The following GPCPD1 variants were observed in gnomAD, a reference collection of about 807,000 sequenced individuals.
GPCPD1 encodes the protein glycerophosphocholine phosphodiesterase GPCPD1.
GPCPD1 carries 29 observed loss-of-function variants against 89.2 expected under a neutral mutation model. The ratio of observed to expected loss-of-function variants is 0.33; its 90% CI spans 0.24 to 0.44. The LOEUF (loss-of-function observed/expected upper bound fraction) is 0.44. Ranked by LOEUF, GPCPD1 falls within the 20% of genes least tolerant of loss-of-function variation. The probability of loss-of-function intolerance (pLI) is 1.00; values close to 1 mark genes in which losing one functional copy is unlikely to be tolerated. For synonymous variants in GPCPD1, 258 were observed against 266.3 expected (o/e 0.97, Z 0.30); for missense variants, 594 against 808.9 (o/e 0.73, Z 3.22).
At chr20:5,602,813 T>C (rs906458940) in intron 2 of GPCPD1, among the ~76,000 whole-genome samples, 7 of 151,976 alleles carry the variant, frequency 4.6e-5, no homozygotes, top group African/African-American at 1.4e-4. Flanking sequence ...CAAAACCCCA[T>C]CTCTACAAAA....
At chr20:5,606,171 T>TA (rs1156762325) in intron 1 of GPCPD1, among the ~76,000 whole-genome samples, 2 of 152,200 alleles carry the variant, frequency 1.3e-5, no homozygotes, top group Non-Finnish European at 2.9e-5. Context: ...AAAAATAGCT[T>TA]AATACACACA....
At chr20:5,552,105 T>G (rs1985448279) in intron 19 of GPCPD1, among the ~76,000 whole-genome samples, 1 of 152,174 alleles carries the variant, frequency 6.6e-6, no homozygotes, top group Non-Finnish European at 1.5e-5. Context: ...TATTGGTATT[T>G]TATTATAAGA....
At chr20:5,569,945 C>T (rs548847717) in intron 12 of GPCPD1, among the ~76,000 whole-genome samples, 1 of 152,062 alleles carries the variant, frequency 6.6e-6, no homozygotes, top group African/African-American at 2.4e-5. Context: ...GCAATAGAGA[C>T]CCTACTCTAG....
intron 8 of GPCPD1, among the ~76,000 whole-genome samples, chr20:5,577,566 T>C (rs1264312850): frequency 6.6e-6 from 1 of 152,052 alleles, no homozygotes; most frequent in Admixed American, 6.6e-5. Flanking sequence ...ACTTTTATAA[T>C]AGAGTCCCAC....
chr20:5,560,011 T>A lies in GPCPD1; in HGVS notation c.1461A>T (p.Leu487Phe). The part of the protein sequence containing the change: ...FDMNLFLDII[L>F]KTVLENSGKR... ...TCCCAGAATTTTCTAAAACAGTTTT[T>A]AAAATTATATCCAAAAACAGATTCA... Residue 487 changes from leucine (L) to phenylalanine (F), a missense_variant, in exon 17 of 20, where the codon TTA becomes TTT. Leu to Phe is a conservative substitution (Grantham distance 22). Transcript: ENST00000379019. 1.3e-6 allele frequency: 2 copies of A among 1,575,826 alleles called. No homozygotes were observed. The highest frequency in any genetic ancestry group is 1.7e-6 in the Non-Finnish European group (2 of 1,152,648).
In GPCPD1 at chr20:5,586,262, C is replaced by T. The variant is rs754276290; in HGVS notation, c.239G>A (p.Gly80Asp). Residue 80 changes from glycine (G) to aspartate (D), a missense_variant, in exon 5 of 20, where the codon GGT (glycine) becomes GAT (aspartate). Coordinates refer to ENST00000379019, the MANE Select transcript of GPCPD1 (RefSeq NM_019593.5). ...GTGAACTATCACTTGACATGGACCA[C>T]CGATAGTCTGCAATTTAAAAGTTAA... ...KGYFLEPKTI[G>D]GPCQVIVHKW... The T allele has an allele frequency of 4.4e-6, 7 of 1,575,302 alleles. No individual in the cohort carries two copies. In the South Asian group the frequency reaches 7.8e-5, roughly 17 times the overall value.
In GPCPD1 at chr20:5,558,019, C is replaced by G; in HGVS notation, c.1755G>C (p.Trp585Cys). Residue 585 changes from tryptophan (W) to cysteine (C), a missense_variant, in exon 19 of 20, where the codon TGG becomes TGC. Coordinates refer to ENST00000379019, the MANE Select transcript of GPCPD1 (RefSeq NM_019593.5). ...TTTCAGGATCATTGGTATCATCACC[C>G]CAGCAGAATATGACTAGTCCCTTAG... Reference protein sequence around the residue: ...AKAKGLVIFCWGDDTNDPENR... With the variant: ...AKAKGLVIFCCGDDTNDPENR... The G allele has an allele frequency of 1.2e-6, 2 of 1,600,564 alleles. No homozygotes were observed. The highest frequency in any genetic ancestry group is 1.1e-5 in the South Asian group (1 of 90,720).
chr20:5,607,552 T>G (rs1980674805), intron 1 of GPCPD1, among the ~76,000 whole-genome samples: 1 of 151,646 alleles, frequency 6.6e-6, no homozygotes, highest in Non-Finnish European at 1.5e-5. Flanking sequence ...CACTCCAGCC[T>G]GGGCAACAGA....
rs543583057 is a variant in GPCPD1 at position 5,607,822 on chromosome 20, A to T, written c.-29+3020T>A. On this transcript the variant is annotated intron_variant, in intron 1 of 19. Coordinates refer to ENST00000379019, the MANE Select transcript of GPCPD1 (RefSeq NM_019593.5). ...GACAGAATGAGACTCTGTCTCAAATAAAAAAAAAAAAAAAAAGCCTGACAT... is the reference window on the plus strand; with the variant it reads ...GACAGAATGAGACTCTGTCTCAAATTAAAAAAAAAAAAAAAAGCCTGACAT... 2.6e-4 allele frequency among the ~76,000 whole-genome samples: 17 copies of T among 64,604 alleles called. No homozygotes were observed. In the South Asian group the frequency reaches 5.9e-3, roughly 22 times the overall value. 42.4% of individuals were successfully genotyped at this position (64,604 alleles called of 152,430 possible).
At position 5,546,560 on chromosome 20, in the gene GPCPD1, C is replaced by G. The variant is rs987708048; in HGVS notation, c.*1101G>C. ...CTAATCCAAGAAATCCTAGTATAAT[C>G]TGAAATACATGCATATACATTTAGT... is the stretch of plus-strand genomic sequence containing the variant. On this transcript the variant is annotated 3_prime_UTR_variant, in exon 20 of 20. Coordinates refer to ENST00000379019, the MANE Select transcript of GPCPD1 (RefSeq NM_019593.5). The G allele has an allele frequency of 6.6e-6, 1 of 152,156 alleles. No homozygotes were observed. The highest frequency in any genetic ancestry group is 2.4e-5 in the African/African-American group (1 of 41,414). The allele number at this position is 152,156 out of a possible 1,614,324, so 9.4% of individuals were successfully genotyped here.
rs558678349 is a variant in GPCPD1 at position 5,545,981 on chromosome 20, C to G, written c.*1680G>C. 1.3e-5 allele frequency: 2 copies of G among 152,170 alleles called. No homozygotes were observed. The highest frequency in any genetic ancestry group is 2.4e-5 in the African/African-American group (1 of 41,422). 9.4% of individuals were successfully genotyped at this position (152,170 alleles called of 1,614,324 possible). ...CTAGAAACAAACATATATGGCTAAT[C>G]GAGTTACTATAAAGAAATGGTAACC... On this transcript the variant is annotated 3_prime_UTR_variant, in exon 20 of 20. Coordinates refer to ENST00000379019, the MANE Select transcript of GPCPD1 (RefSeq NM_019593.5).
At chr20:5,572,308 A>G (rs1986769713) in intron 11 of GPCPD1, among the ~76,000 whole-genome samples, 1 of 152,210 alleles carries the variant, frequency 6.6e-6, no homozygotes. Context: ...AATAAATATC[A>G]TATTTTCAAC....
At chr20:5,595,604 G>A (rs143479436) in intron 3 of GPCPD1, among the ~76,000 whole-genome samples, 121 of 152,184 alleles carry the variant, frequency 8.0e-4, no homozygotes, top group African/African-American at 2.8e-3. Flanking sequence ...TCGCGCCACT[G>A]TACTCCAGCC....
chr20:5,586,291 T>C (rs1473603814), intron 4 of GPCPD1, 22 bp from the exon 5 acceptor site: 2 of 1,373,152 alleles, frequency 1.5e-6, no homozygotes. Context: ...AAGTTAAACG[T>C]CTGCAATAAT....
At chr20:5,551,850 T>C (rs550376072) in intron 19 of GPCPD1, among the ~76,000 whole-genome samples, 4 of 152,338 alleles carry the variant, frequency 2.6e-5, no homozygotes, top group South Asian at 2.1e-4. Flanking sequence ...TATGTAGCAG[T>C]TGAGTGTTTG....
chr20:5,598,864 AG>A (rs773653389), intron 2 of GPCPD1, 43 bp from the exon 3 acceptor site: 1 of 1,219,784 alleles, frequency 8.2e-7, no homozygotes, highest in Admixed American at 1.7e-5. Context: ...CAGAACAATC[AG>A]TCACAGTGGG....
intron 19 of GPCPD1, among the ~76,000 whole-genome samples, chr20:5,556,887 G>C (rs113903612): frequency 2.0e-5 from 3 of 152,220 alleles, no homozygotes; most frequent in Non-Finnish European, 4.4e-5. Context: ...TGGAGGAAAG[G>C]GGCTAGGGAG....
chr20:5,567,491 A>G lies in GPCPD1; in HGVS notation c.1219T>C (p.Leu407=), dbSNP rs763882166. The G allele has an allele frequency of 1.3e-6, 2 of 1,572,342 alleles. No individual in the cohort carries two copies. Among genetic ancestry groups the G allele is most frequent in the Admixed American group, 4.1e-5 (2 of 49,206 alleles). ...VKELTFDQLQ[L]LKLTHVTALK... ...CATGTTATTATTACTACCTTTAACAACTGGAGTTGGTCAAATGTTAATTCT... is the reference window on the plus strand; with the variant it reads ...CATGTTATTATTACTACCTTTAACAGCTGGAGTTGGTCAAATGTTAATTCT... The change falls in exon 13 of 20, where the codon TTG becomes CTG. Residue 407 remains leucine, a synonymous_variant. Coordinates refer to ENST00000379019, the MANE Select transcript of GPCPD1 (RefSeq NM_019593.5).
intron 18 of GPCPD1, 109 bp downstream of exon 18, chr20:5,558,575 G>GTAAA (rs1173481302): frequency 4.7e-6 from 3 of 635,726 alleles, no homozygotes; most frequent in Admixed American, 7.7e-5. Flanking sequence ...GTTTGCTACA[G>GTAAA]TTTAGTCAAA....
Sources: gnomAD v4.1 joint callset for allele counts (sites outside exome capture counted in the v4.1 genomes callset) on GRCh38, gnomAD v4.1.1 for gene constraint, MANE v1.5 for transcripts, NCBI Gene and HGNC (gene_info 2026-07-23, HGNC 2026-07-21) for gene names.